The following ASAP2 variants were observed in gnomAD, a reference collection of about 807,000 sequenced individuals.
ASAP2 encodes the protein ArfGAP with SH3 domain, ankyrin repeat and PH domain 2, also known as arf-GAP with SH3 domain, ANK repeat and PH domain-containing protein 2.
In ASAP2, 45 loss-of-function variants were observed where a neutral mutation model predicts 131.4. The observed-to-expected ratio is 0.34, with a 90% CI of 0.27 to 0.44. The LOEUF (loss-of-function observed/expected upper bound fraction) is 0.44, where lower values mean the gene tolerates loss of function less well. Ranked by LOEUF, ASAP2 falls within the 20% of genes least tolerant of loss-of-function variation. The probability of loss-of-function intolerance (pLI) is 1.00; values close to 1 mark genes in which losing one functional copy is unlikely to be tolerated. For missense variants in ASAP2, 1,011 were observed against 1,297.0 expected (o/e 0.78, Z 3.39); for synonymous variants, 510 against 503.0 (o/e 1.01, Z -0.19).
chr2:9,241,380 A>G (rs1663954972), intron 1 of ASAP2, among the ~76,000 whole-genome samples: 1 of 152,186 alleles, frequency 6.6e-6, no homozygotes, highest in South Asian at 2.1e-4. Flanking sequence ...ACCACTTTGC[A>G]TGCTAAACTG....
chr2:9,360,650 A>G (rs772665062), intron 15 of ASAP2, among the ~76,000 whole-genome samples: 1 of 152,188 alleles, frequency 6.6e-6, no homozygotes, highest in Admixed American at 6.5e-5. Flanking sequence ...GAATTACTCA[A>G]TGTGAAGTTG....
At position 9,271,237 on chromosome 2, in the gene ASAP2, A is replaced by G. The variant is rs986525324; in HGVS notation, c.127-8080A>G. The G allele has an allele frequency of 1.7e-4, 113 of 681,222 alleles. No homozygotes were observed. The Admixed American group carries it at 2.4e-3, about 14-fold the overall frequency. The allele number at this position is 681,222 out of a possible 1,614,324, so 42.2% of individuals were successfully genotyped here. ...TGACAAGGGACAGAAGGGAAATTCT[A>G]CTCATTGCAAGGAAATCCTCACTTA... On this transcript the variant is annotated intron_variant, in intron 1 of 27. Coordinates refer to ENST00000281419, the MANE Select transcript of ASAP2 (RefSeq NM_003887.3).
chr2:9,211,215 A>C lies in ASAP2; in HGVS notation c.126+3985A>C, dbSNP rs577105431. On this transcript the variant is annotated intron_variant, in intron 1 of 27. Transcript: ENST00000281419. ...TGGTGAGAGCATACCTGTATTTTAT[A>C]ATTTTTCACTTGACCACCTTCTCTG... 2.0e-5 allele frequency among the ~76,000 whole-genome samples: 3 copies of C among 152,074 alleles called. No homozygotes were observed. In the East Asian group the frequency reaches 5.8e-4, roughly 29 times the overall value.
At chr2:9,250,165 C>T (rs754587996) in intron 1 of ASAP2, among the ~76,000 whole-genome samples, 3 of 152,158 alleles carry the variant, frequency 2.0e-5, no homozygotes, top group Non-Finnish European at 2.9e-5. Flanking sequence ...GCAGAAACTG[C>T]CAGGATCATT....
At chr2:9,391,028 G>T in intron 22 of ASAP2, 34 bp from the exon 23 acceptor site, 1 of 1,613,954 alleles carries the variant, frequency 6.2e-7, no homozygotes. Context: ...GTATGTGTGC[G>T]TGCATGCGTC....
At chr2:9,401,787 G>A (rs1451761336) in intron 27 of ASAP2, among the ~76,000 whole-genome samples, 1 of 152,254 alleles carries the variant, frequency 6.6e-6, no homozygotes, top group Admixed American at 6.5e-5. Flanking sequence ...GAAACAAGCT[G>A]TGGCCGCCCA....
In ASAP2 at chr2:9,275,230, C is replaced by T. The variant is rs552483855; in HGVS notation, c.127-4087C>T. ...GATTACAGGTGCATGTTCCCATGCC[C>T]GGCTAACTTATTTTTATTTTTTGTA... On this transcript the variant is annotated intron_variant, in intron 1 of 27. Transcript: ENST00000281419. Among the ~76,000 whole-genome samples the T allele has an allele frequency of 1.4e-4, 22 of 152,022 alleles. No homozygotes were observed. The East Asian group carries it at 2.3e-3, about 16-fold the overall frequency.
At chr2:9,274,293 G>T (rs893294986) in intron 1 of ASAP2, among the ~76,000 whole-genome samples, 4 of 148,274 alleles carry the variant, frequency 2.7e-5, no homozygotes, top group African/African-American at 9.9e-5. Context: ...TATATAGTTG[G>T]CATAAGACTG....
chr2:9,285,619 G>T (rs575192103), intron 2 of ASAP2, among the ~76,000 whole-genome samples: 1 of 152,278 alleles, frequency 6.6e-6, no homozygotes, highest in Admixed American at 6.5e-5. Context: ...AATTTCCCAA[G>T]CTCTGGCTCA....
At chr2:9,256,339 G>A (rs1461904212) in intron 1 of ASAP2, among the ~76,000 whole-genome samples, 1 of 152,158 alleles carries the variant, frequency 6.6e-6, no homozygotes, top group East Asian at 1.9e-4. Flanking sequence ...GTATATGCAT[G>A]TGCTGCCTTC....
intron 1 of ASAP2, among the ~76,000 whole-genome samples, chr2:9,216,202 G>T (rs1662013926): frequency 6.6e-6 from 1 of 152,220 alleles, no homozygotes; most frequent in Middle Eastern, 3.4e-3. Context: ...TTCAGTGAGG[G>T]TATGGATTTG....
chr2:9,284,988 A>G (rs1667374841), intron 2 of ASAP2, among the ~76,000 whole-genome samples: 1 of 152,202 alleles, frequency 6.6e-6, no homozygotes, highest in Non-Finnish European at 1.5e-5. Context: ...GTTTCTTACC[A>G]TCGTTACCTG....
intron 1 of ASAP2, among the ~76,000 whole-genome samples, chr2:9,209,365 C>G (rs1201474848): frequency 6.6e-6 from 1 of 152,114 alleles, no homozygotes; most frequent in African/African-American, 2.4e-5. Flanking sequence ...ATGTTCGTGT[C>G]TATTACCAAA....
Position 9,393,731 on chromosome 2 carries a change from T to C in ASAP2, c.2684+84T>C, listed in dbSNP as rs895635705. The C allele has an allele frequency of 2.6e-5, 36 of 1,367,116 alleles. No individual in the cohort carries two copies. The African/African-American group carries it at 4.0e-4, about 15-fold the overall frequency. 84.7% of individuals were successfully genotyped at this position (1,367,116 alleles called of 1,614,324 possible). A position where few individuals can be genotyped will look rare whatever the true frequency, so the allele number is the denominator to read the frequency against. On this transcript the variant is annotated intron_variant, in intron 24 of 27. Coordinates refer to ENST00000281419, the MANE Select transcript of ASAP2 (RefSeq NM_003887.3). The stretch of plus-strand genomic sequence containing the variant: ...CAGGGCTCTGCAGGAATGTTTGCAA[T>C]CCCCAGGGCTCCTACTCCAGCGTGG...
Sources: gnomAD v4.1 joint callset for allele counts (sites outside exome capture counted in the v4.1 genomes callset) on GRCh38, gnomAD v4.1.1 for gene constraint, MANE v1.5 for transcripts, NCBI Gene and HGNC (gene_info 2026-07-23, HGNC 2026-07-21) for gene names.